CWF19L2: variants seen among roughly 807,000 people sequenced by gnomAD.
The protein encoded by CWF19L2 is CWF19-like protein 2.
A neutral mutation model predicts 111.7 loss-of-function variants in CWF19L2; 98 were observed. That is an observed-to-expected ratio of 0.88 (90% CI 0.75 to 1.04). The LOEUF (loss-of-function observed/expected upper bound fraction) is 1.04, where lower values mean the gene tolerates loss of function less well. CWF19L2 is among the 50% of genes least tolerant of loss of function. CWF19L2 has a pLI of 0.00. For synonymous variants in CWF19L2, 351 were observed against 342.9 expected (o/e 1.02, Z -0.26); for missense variants, 1,101 against 1,051.4 (o/e 1.05, Z -0.65).
At chr11:107,424,696 G>A (rs1366211509) in intron 8 of CWF19L2, among the ~76,000 whole-genome samples, 1 of 151,808 alleles carries the variant, frequency 6.6e-6, no homozygotes, top group Non-Finnish European at 1.5e-5. Context: ...GAAATGGAAT[G>A]CTCCACACAA....
At chr11:107,451,177 CA>C (rs988645354) in intron 3 of CWF19L2, among the ~76,000 whole-genome samples, 10 of 148,370 alleles carry the variant, frequency 6.7e-5, no homozygotes, top group South Asian at 2.1e-4. Context: ...GTCAATAACC[CA>C]AAAAAAAACT....
intron 3 of CWF19L2, among the ~76,000 whole-genome samples, chr11:107,451,741 CAG>C (rs1227635433): frequency 3.9e-5 from 6 of 152,022 alleles, no homozygotes; most frequent in Admixed American, 1.3e-4. Flanking sequence ...CAAGAATAAA[CAG>C]AAAGTATTTA....
rs184485148 is a variant in CWF19L2, at chr11:107,418,330, C to T, written c.1434-43G>A. 279 of 1,249,122 alleles carry T rather than the reference C, an allele frequency of 2.2e-4. No homozygotes were observed. In the Admixed American group the frequency reaches 2.3e-3, roughly 10 times the overall value. The allele number at this position is 1,249,122 out of a possible 1,614,324, so 77.4% of individuals were successfully genotyped here. ...ATTAACAGCATATGAAATATAGGTG[C>T]GATGCAAGCAATAACATCAAGACTC... On this transcript the variant is annotated intron_variant, in intron 8 of 17. Transcript: ENST00000282251.
At chr11:107,407,596 C>T (rs930102594) in intron 10 of CWF19L2, among the ~76,000 whole-genome samples, 1 of 151,242 alleles carries the variant, frequency 6.6e-6, no homozygotes, top group South Asian at 2.1e-4. Context: ...AAATAATGAG[C>T]ATTTGAGGGA....
At chr11:107,401,425 G>A (rs186042365) in intron 10 of CWF19L2, among the ~76,000 whole-genome samples, 8 of 152,038 alleles carry the variant, frequency 5.3e-5, no homozygotes, top group South Asian at 2.1e-4. Context: ...CACCAACAGC[G>A]AACAAGCAGA....
At chr11:107,388,224 G>A (rs982817883) in intron 12 of CWF19L2, among the ~76,000 whole-genome samples, 1 of 152,004 alleles carries the variant, frequency 6.6e-6, no homozygotes, top group African/African-American at 2.4e-5. Flanking sequence ...ATAATATATT[G>A]TTACATAGTT....
chr11:107,363,457 G>A (rs1229380777), intron 12 of CWF19L2, among the ~76,000 whole-genome samples: 3 of 151,974 alleles, frequency 2.0e-5, no homozygotes, highest in Admixed American at 6.5e-5. Context: ...AAGCCCATCA[G>A]ACTACCAGCG....
intron 10 of CWF19L2, among the ~76,000 whole-genome samples, chr11:107,408,697 C>A (rs1382265186): frequency 3.3e-5 from 5 of 151,792 alleles, no homozygotes; most frequent in Non-Finnish European, 7.4e-5. Context: ...ACAAGCTGAA[C>A]TGTATAGAAA....
rs1440170504 is a variant in CWF19L2, at chr11:107,334,925, T to A, written c.2395A>T (p.Asn799Tyr). 1 of 1,608,692 alleles carries A rather than the reference T, an allele frequency of 6.2e-7. No homozygotes were observed. Among genetic ancestry groups the A allele is most frequent in the Admixed American group, 1.7e-5 (1 of 59,998 alleles). ...IMESDEEWSM[N>Y]KKLIDLSSKD... The stretch of plus-strand genomic sequence containing the variant: ...GAAGAGAGATCTATCAACTTCTTGT[T>A]CATGGACCACTCTTCATCAGATTCC... Residue 799 changes from asparagine (N) to tyrosine (Y), a missense_variant, in exon 16 of 18, where the codon AAC (asparagine) becomes TAC (tyrosine). Coordinates refer to ENST00000282251, the MANE Select transcript of CWF19L2 (RefSeq NM_152434.3).
At chr11:107,392,993 C>A (rs1860870969) in intron 10 of CWF19L2, 98 bp from the exon 11 acceptor site, 1 of 730,658 alleles carries the variant, frequency 1.4e-6, no homozygotes, top group African/African-American at 1.9e-5. Flanking sequence ...TTAACGTTTC[C>A]ACATAACGTT....
At chr11:107,368,113 G>T (rs1156957791) in intron 12 of CWF19L2, among the ~76,000 whole-genome samples, 1 of 47,474 alleles carries the variant, frequency 2.1e-5, no homozygotes, top group Admixed American at 1.6e-4. Flanking sequence ...AGAATAAATT[G>T]AGACCCCCCC....
chr11:107,327,134 C>G, intron 17 of CWF19L2, 81 bp from the exon 18 acceptor site: 5 of 1,298,192 alleles, frequency 3.9e-6, no homozygotes, highest in Non-Finnish European at 1.0e-6. Context: ...GTTTATTCTG[C>G]TATAAAATAT....
intron 13 of CWF19L2, among the ~76,000 whole-genome samples, chr11:107,351,040 A>G (rs1860149973): frequency 6.6e-6 from 1 of 152,232 alleles, no homozygotes; most frequent in Non-Finnish European, 1.5e-5. Context: ...TAAGGATTCC[A>G]GCTTTGGTCT....
intron 10 of CWF19L2, among the ~76,000 whole-genome samples, chr11:107,396,141 T>A (rs1235947636): frequency 6.6e-6 from 1 of 152,112 alleles, no homozygotes; most frequent in Non-Finnish European, 1.5e-5. Flanking sequence ...GAGACAGAAA[T>A]GAAAAGTTCA....
At chr11:107,362,267 A>G (rs1860361649) in intron 12 of CWF19L2, among the ~76,000 whole-genome samples, 1 of 152,152 alleles carries the variant, frequency 6.6e-6, no homozygotes, top group East Asian at 1.9e-4. Context: ...GCCATTGCCC[A>G]GGCTTGCTTA....
At chr11:107,327,158 C>A in intron 17 of CWF19L2, 105 bp from the exon 18 acceptor site, 2 of 1,137,890 alleles carry the variant, frequency 1.8e-6, no homozygotes, top group Non-Finnish European at 1.2e-6. Flanking sequence ...AAGTTCTTCT[C>A]CATGACAATG....
rs1200461384 is a variant in CWF19L2, at chr11:107,367,519, C to A, written c.1873-13783G>T. On this transcript the variant is annotated intron_variant, in intron 12 of 17. Transcript: ENST00000282251. ...GCCATAAAAAATGATGAGTTCATGT[C>A]CTTTGTAGGGACATGGATGAAATCG... is the stretch of plus-strand genomic sequence containing the variant. Among the ~76,000 whole-genome samples the A allele has an allele frequency of 4.6e-5, 6 of 130,684 alleles. 1 individual carries two copies. The highest frequency in any genetic ancestry group is 9.4e-5 in the African/African-American group (3 of 31,950). The allele number at this position is 130,684 out of a possible 152,430, so 85.7% of individuals were successfully genotyped here.
At chr11:107,346,033 G>A (rs1488246797) in intron 14 of CWF19L2, among the ~76,000 whole-genome samples, 1 of 152,064 alleles carries the variant, frequency 6.6e-6, no homozygotes. Flanking sequence ...TTTAGTCAAT[G>A]CATCCAGACT....
intron 12 of CWF19L2, among the ~76,000 whole-genome samples, chr11:107,385,161 C>T (rs566349958): frequency 6.6e-6 from 1 of 152,050 alleles, no homozygotes; most frequent in South Asian, 2.1e-4. Context: ...ACATACAAAA[C>T]AAATTGCTAC....
Sources: gnomAD v4.1 joint callset for allele counts (sites outside exome capture counted in the v4.1 genomes callset) on GRCh38, gnomAD v4.1.1 for gene constraint, MANE v1.5 for transcripts, NCBI Gene and HGNC (gene_info 2026-07-23, HGNC 2026-07-21) for gene names.